NRXN1: variants seen among roughly 807,000 people sequenced by gnomAD.
NRXN1 encodes the protein neurexin-1.
In NRXN1, 39 loss-of-function variants were observed where a neutral mutation model predicts 150.9. The ratio of observed to expected loss-of-function variants is 0.26; its 90% confidence interval spans 0.20 to 0.34. NRXN1 has a LOEUF of 0.34. Ranked by LOEUF, NRXN1 falls within the 10% of genes least tolerant of loss-of-function variation. The pLI is 1.00. For missense variants in NRXN1, 1,815 were observed against 1,949.9 expected (o/e 0.93, Z 1.30); for synonymous variants, 924 against 757.0 (o/e 1.22, Z -3.62).
intron 10 of NRXN1, among the ~76,000 whole-genome samples, chr2:50,537,347 A>C (rs1362887653): frequency 6.6e-6 from 1 of 152,152 alleles, no homozygotes; most frequent in Admixed American, 6.6e-5. Flanking sequence ...TCCATTGTTG[A>C]AAATAAGTGG....
intron 17 of NRXN1, among the ~76,000 whole-genome samples, chr2:50,364,805 G>A (rs1457693228): frequency 6.6e-6 from 1 of 151,962 alleles, no homozygotes; most frequent in East Asian, 1.9e-4. Flanking sequence ...TCCTACTTGA[G>A]GGATTAGATA....
intron 21 of NRXN1, among the ~76,000 whole-genome samples, chr2:50,048,258 C>T (rs1692147870): frequency 1.3e-5 from 2 of 151,992 alleles, no homozygotes; most frequent in African/African-American, 4.8e-5. Flanking sequence ...GAAATATGCA[C>T]TAAAATTTGC....
intron 19 of NRXN1, among the ~76,000 whole-genome samples, chr2:50,069,167 C>T (rs1366792482): frequency 2.0e-5 from 3 of 152,158 alleles, no homozygotes; most frequent in Non-Finnish European, 4.4e-5. Context: ...CTTAAAATGA[C>T]ATTTTAATCC....
chr2:49,960,798 C>G (rs1035899596), intron 21 of NRXN1, among the ~76,000 whole-genome samples: 1 of 152,130 alleles, frequency 6.6e-6, no homozygotes, highest in African/African-American at 2.4e-5. Context: ...AATGGTTCAG[C>G]TAATGCTTCT....
At chr2:50,336,017 G>GTA (rs1389187472) in intron 17 of NRXN1, among the ~76,000 whole-genome samples, 1 of 151,928 alleles carries the variant, frequency 6.6e-6, no homozygotes, top group Non-Finnish European at 1.5e-5. Flanking sequence ...CTTCACAACA[G>GTA]TCCTACAGAG....
chr2:50,329,231 C>G (rs980492755), intron 17 of NRXN1, among the ~76,000 whole-genome samples: 3 of 152,066 alleles, frequency 2.0e-5, no homozygotes, highest in Admixed American at 2.0e-4. Flanking sequence ...ATAAAAGGAA[C>G]ACATCACTAG....
At chr2:50,389,656 T>G (rs2103793130) in intron 17 of NRXN1, among the ~76,000 whole-genome samples, 1 of 152,274 alleles carries the variant, frequency 6.6e-6, no homozygotes, top group Non-Finnish European at 1.5e-5. Context: ...TTTTCTTGGT[T>G]TGAAGCATCT....
chr2:50,164,407 G>A (rs956066649), intron 18 of NRXN1, among the ~76,000 whole-genome samples: 23 of 152,166 alleles, frequency 1.5e-4, no homozygotes, highest in African/African-American at 5.1e-4. Context: ...AGAAGGCAGA[G>A]AAGACCATAA....
At chr2:50,847,201 T>C (rs1458000102) in intron 5 of NRXN1, among the ~76,000 whole-genome samples, 5 of 152,166 alleles carry the variant, frequency 3.3e-5, no homozygotes, top group Non-Finnish European at 7.3e-5. Context: ...GGTCAGAGCA[T>C]GACCTTCCTA....
intron 12 of NRXN1, among the ~76,000 whole-genome samples, chr2:50,515,506 A>G (rs2092601866): frequency 6.6e-6 from 1 of 151,906 alleles, no homozygotes; most frequent in African/African-American, 2.4e-5. Context: ...GACACAAATC[A>G]ATTGCAAAGT....
intron 5 of NRXN1, among the ~76,000 whole-genome samples, chr2:50,752,751 T>A (rs1700744816): frequency 6.6e-6 from 1 of 151,942 alleles, no homozygotes. Flanking sequence ...CCATTTTACT[T>A]TATTCCAGAA....
chr2:50,767,143 C>G (rs910149151), intron 5 of NRXN1, among the ~76,000 whole-genome samples: 1 of 152,118 alleles, frequency 6.6e-6, no homozygotes, highest in Non-Finnish European at 1.5e-5. Flanking sequence ...ATTTGAGAGA[C>G]AGCTCAACTA....
chr2:50,352,362 C>T (rs1326127409), intron 17 of NRXN1, among the ~76,000 whole-genome samples: 1 of 152,064 alleles, frequency 6.6e-6, no homozygotes, highest in African/African-American at 2.4e-5. Context: ...CAGGCAGACA[C>T]TTTCATTCTT....
At chr2:50,109,830 G>T (rs1702145889) in intron 18 of NRXN1, among the ~76,000 whole-genome samples, 1 of 151,982 alleles carries the variant, frequency 6.6e-6, no homozygotes, top group Non-Finnish European at 1.5e-5. Context: ...TGTAGAGTGG[G>T]TTTATTTTTA....
rs778714116 is a variant in NRXN1 at position 50,552,651 on chromosome 2, G to C, written c.1695C>G (p.Ala565=). The change falls in exon 9 of 23, where the codon GCC becomes GCG. Residue 565 remains alanine, a synonymous_variant. Transcript: ENST00000401669. The part of the protein sequence containing the change: ...DMGSGTIKIK[A]LLKKVNDGEW... ...CTCCATCATTCACTTTCTTCAACAG[G>C]GCTTTTATTTTTATAGTACCTGACC... is the stretch of plus-strand genomic sequence containing the variant. The C allele has an allele frequency of 3.7e-6, 6 of 1,613,798 alleles. No individual in the cohort carries two copies. The highest frequency in any genetic ancestry group is 2.2e-5 in the South Asian group (2 of 91,076).
intron 21 of NRXN1, among the ~76,000 whole-genome samples, chr2:50,047,793 A>G (rs3861559): frequency 6.6e-6 from 1 of 151,712 alleles, no homozygotes. Context: ...CAACTAGAAC[A>G]TAAGTTCGGT....
chr2:50,054,915 AATT>A (rs2152629791), intron 20 of NRXN1, 37 bp downstream of exon 20: 1 of 1,356,866 alleles, frequency 7.4e-7, no homozygotes, highest in South Asian at 1.4e-5. Flanking sequence ...GTTATGTTCA[AATT>A]ATTTTTTTAT....
chr2:50,606,066 T>G (rs891040761), intron 8 of NRXN1, among the ~76,000 whole-genome samples: 1 of 151,902 alleles, frequency 6.6e-6, no homozygotes, highest in Non-Finnish European at 1.5e-5. Context: ...CTGGTCAACA[T>G]GGTGAAACCC....
chr2:50,187,893 T>A (rs1317557338), intron 18 of NRXN1, among the ~76,000 whole-genome samples: 1 of 152,130 alleles, frequency 6.6e-6, no homozygotes, highest in Non-Finnish European at 1.5e-5. Flanking sequence ...TGTCTATTGC[T>A]GGTGTATTAG....
Sources: gnomAD v4.1 joint callset for allele counts (sites outside exome capture counted in the v4.1 genomes callset) on GRCh38, gnomAD v4.1.1 for gene constraint, MANE v1.5 for transcripts, NCBI Gene and HGNC (gene_info 2026-07-23, HGNC 2026-07-21) for gene names.